Variants in CACNA1D observed in about 807,000 individuals in gnomAD.
CACNA1D encodes voltage-dependent L-type calcium channel subunit alpha-1D.
CACNA1D carries 55 observed loss-of-function variants against 257.1 expected under a neutral mutation model. That is an observed-to-expected ratio of 0.21 (90% CI 0.17 to 0.27). CACNA1D has a LOEUF of 0.27. Among genes scored for constraint, CACNA1D ranks in the 10% least tolerant of loss-of-function variants. The pLI, the probability that CACNA1D is intolerant of heterozygous loss-of-function variation, is 1.00. For missense variants in CACNA1D, 1,876 were observed against 2,784.0 expected (o/e 0.67, Z 7.34); for synonymous variants, 980 against 1,014.9 (o/e 0.97, Z 0.65).
chr3:53,660,025 A>G, intron 4 of CACNA1D, 108 bp from the exon 5 acceptor site: 3 of 964,552 alleles, frequency 3.1e-6, no homozygotes, highest in Non-Finnish European at 4.8e-6. Context: ...TTATTTAAGC[A>G]GCAGCCACAC....
rs1188066306 is a variant in CACNA1D, at chr3:53,495,648, A to C, written c.67+415A>C. Among the ~76,000 whole-genome samples the C allele has an allele frequency of 1.3e-5, 2 of 152,184 alleles. No individual in the cohort carries two copies. The highest frequency in any genetic ancestry group is 4.8e-5 in the African/African-American group (2 of 41,466). ...TCCCCCGCCCCCTCGTTGACTAGGA[A>C]GAAGGTCCCTGGTGGCATCCGGAAA... On this transcript the variant is annotated intron_variant, in intron 1 of 47. Coordinates refer to ENST00000350061, the MANE Select transcript of CACNA1D (RefSeq NM_001128840.3). The surrounding 1 kb of genome is among the most constrained non-coding windows in gnomAD (Gnocchi z 5.1).
At chr3:53,638,709 G>A (rs2093914526) in intron 3 of CACNA1D, among the ~76,000 whole-genome samples, 1 of 152,230 alleles carries the variant, frequency 6.6e-6, no homozygotes, top group African/African-American at 2.4e-5. Flanking sequence ...ATAAGTGGCA[G>A]AGCCAGAACC....
intron 20 of CACNA1D, among the ~76,000 whole-genome samples, chr3:53,737,068 G>A (rs2095064848): frequency 6.6e-6 from 1 of 151,996 alleles, no homozygotes; most frequent in Admixed American, 6.5e-5. Context: ...GGAGGCCGAA[G>A]TGGGTGGATC....
At chr3:53,764,206 G>A (rs551522318) in intron 30 of CACNA1D, among the ~76,000 whole-genome samples, 2 of 152,318 alleles carry the variant, frequency 1.3e-5, no homozygotes, top group African/African-American at 4.8e-5. Context: ...ATATGTAAAT[G>A]ATGCTTGGTT....
At chr3:53,691,250 C>T (rs1312932862) in intron 8 of CACNA1D, among the ~76,000 whole-genome samples, 1 of 151,718 alleles carries the variant, frequency 6.6e-6, no homozygotes, top group African/African-American at 2.4e-5. Flanking sequence ...AGAGATTCTC[C>T]TGCCTCAGCC....
At chr3:53,747,847 T>G (rs2095186367) in intron 26 of CACNA1D, among the ~76,000 whole-genome samples, 1 of 152,186 alleles carries the variant, frequency 6.6e-6, no homozygotes, top group Non-Finnish European at 1.5e-5. Context: ...GGACAGTTGC[T>G]GTTATGCCAT....
At chr3:53,808,161 T>G (rs778703393) in intron 45 of CACNA1D, 25 of 185,732 alleles carry the variant, frequency 1.3e-4, no homozygotes, top group Admixed American at 5.0e-4. Flanking sequence ...TTAAAAGTAG[T>G]AAGTTCTCTT....
At chr3:53,691,811 T>C (rs1193691241) in intron 8 of CACNA1D, among the ~76,000 whole-genome samples, 1 of 103,422 alleles carries the variant, frequency 9.7e-6, no homozygotes, top group African/African-American at 3.7e-5. Flanking sequence ...ATATAATATA[T>C]ATTATATATT....
At position 53,584,933 on chromosome 3, in the gene CACNA1D, A is replaced by G. The variant is rs77244188; in HGVS notation, c.484-65846A>G. Among the ~76,000 whole-genome samples, 995 of 152,150 alleles carry G rather than the reference A, an allele frequency of 6.5e-3. 17 individuals carry two copies. Among genetic ancestry groups the G allele is most frequent in the African/African-American group, 0.023 (945 of 41,496 alleles). On this transcript the variant is annotated intron_variant, in intron 3 of 47. Transcript: ENST00000350061. The stretch of plus-strand genomic sequence containing the variant: ...AGGTGGGGAAAAATACAATGTCTCA[A>G]TAGACCAAGTTCCCAAAAGTGTATC...
intron 30 of CACNA1D, among the ~76,000 whole-genome samples, chr3:53,764,922 G>T (rs1359977548): frequency 2.0e-5 from 3 of 152,158 alleles, no homozygotes; most frequent in African/African-American, 7.2e-5. Flanking sequence ...GTCAGCTGTG[G>T]CCTGAGACCA....
At position 53,769,849 on chromosome 3, in the gene CACNA1D, G is replaced by A. The variant is rs979642754; in HGVS notation, c.3871-124G>A. 4.9e-6 allele frequency: 4 copies of A among 810,068 alleles called. No homozygotes were observed. The African/African-American group carries it at 6.7e-5, about 14-fold the overall frequency. 50.2% of individuals were successfully genotyped at this position (810,068 alleles called of 1,614,324 possible). ...AGGAGAGCCACTGGTATTTTCTCAG[G>A]GAGGGAGCAGGTGTGGTGTCTAAAG... On this transcript the variant is annotated intron_variant, in intron 30 of 47. Coordinates refer to ENST00000350061, the MANE Select transcript of CACNA1D (RefSeq NM_001128840.3).
chr3:53,691,072 C>G (rs570256195), intron 8 of CACNA1D, among the ~76,000 whole-genome samples: 7 of 151,998 alleles, frequency 4.6e-5, no homozygotes, highest in Non-Finnish European at 1.0e-4. Flanking sequence ...ATTGGTTTGG[C>G]TCATGTGATT....
intron 3 of CACNA1D, among the ~76,000 whole-genome samples, chr3:53,606,445 A>T (rs1475438913): frequency 6.6e-6 from 1 of 152,230 alleles, no homozygotes; most frequent in Non-Finnish European, 1.5e-5. Flanking sequence ...GTTTAACTAC[A>T]TGATTGCCTC....
At chr3:53,585,340 A>G (rs965617042) in intron 3 of CACNA1D, among the ~76,000 whole-genome samples, 4 of 152,152 alleles carry the variant, frequency 2.6e-5, no homozygotes, top group African/African-American at 9.7e-5. Flanking sequence ...GCATTCATCA[A>G]CAATGCATAG....
At chr3:53,516,774 G>T (rs1242511272) in intron 3 of CACNA1D, among the ~76,000 whole-genome samples, 3 of 152,220 alleles carry the variant, frequency 2.0e-5, no homozygotes, top group African/African-American at 7.2e-5. Flanking sequence ...TGCCTATCTG[G>T]ACGACAAGCC....
At chr3:53,595,053 T>C (rs1239583638) in intron 3 of CACNA1D, among the ~76,000 whole-genome samples, 4 of 152,358 alleles carry the variant, frequency 2.6e-5, no homozygotes, top group Admixed American at 6.5e-5. Flanking sequence ...CAGGTTTCAA[T>C]TGGTATTTTT....
intron 40 of CACNA1D, among the ~76,000 whole-genome samples, chr3:53,796,998 T>A (rs533387160): frequency 6.6e-6 from 1 of 152,226 alleles, no homozygotes; most frequent in Non-Finnish European, 1.5e-5. Flanking sequence ...AGTATTTTGC[T>A]GATAGAGGTA....
intron 3 of CACNA1D, among the ~76,000 whole-genome samples, chr3:53,514,558 T>C (rs1208100708): frequency 6.6e-6 from 1 of 152,132 alleles, no homozygotes; most frequent in Non-Finnish European, 1.5e-5. Flanking sequence ...TCTTTCTCTG[T>C]GGAAGAGGAA....
At position 53,804,985 on chromosome 3, in the gene CACNA1D, A is replaced by G; in HGVS notation, c.5588A>G (p.Gln1863Arg). The change falls in exon 45 of 48, where the codon CAA becomes CGA. Residue 1863 changes from glutamine (Q) to arginine (R), a missense_variant and splice_region_variant. By Grantham distance (43) the Gln-to-Arg change is conservative. Around this residue, in one of 10 missense-constraint regions of CACNA1D, gnomAD observed 491 missense variants for 554.3 expected, o/e 0.89. Coordinates refer to ENST00000350061, the MANE Select transcript of CACNA1D (RefSeq NM_001128840.3). ...CTGCCCTCCTCTCTGACCTCCAGGCAAAACTATGGCTACTACAGCAGATAC... is the reference window on the plus strand; with the variant it reads ...CTGCCCTCCTCTCTGACCTCCAGGCGAAACTATGGCTACTACAGCAGATAC... ...EDDSSPTWSRQNYGYYSRYPG... is the reference protein window; with the variant it reads ...EDDSSPTWSRRNYGYYSRYPG... 16 of 1,614,130 alleles carry G rather than the reference A, an allele frequency of 9.9e-6. No individual in the cohort carries two copies. Among genetic ancestry groups the G allele is most frequent in the Non-Finnish European group, 1.4e-5 (16 of 1,179,988 alleles).
Sources: gnomAD v4.1 joint callset for allele counts (sites outside exome capture counted in the v4.1 genomes callset) on GRCh38, gnomAD v4.1.1 for gene constraint, gnomAD v4.1.1 regional missense constraint, Gnocchi (gnomAD v3.1) non-coding constraint, MANE v1.5 for transcripts, NCBI Gene and HGNC (gene_info 2026-07-23, HGNC 2026-07-21) for gene names.